ADCK1: variants seen among roughly 807,000 people sequenced by gnomAD.
The protein encoded by ADCK1 is aarF domain-containing protein kinase 1.
Under a neutral mutation model 52.3 loss-of-function variants are expected in ADCK1, and 41 were observed. That is an observed-to-expected ratio of 0.78 (90% CI 0.61 to 1.02). The LOEUF (loss-of-function observed/expected upper bound fraction) is 1.02, where lower values mean the gene tolerates loss of function less well. Among genes scored for constraint, ADCK1 ranks in the 50% least tolerant of loss-of-function variants. The pLI, the probability that ADCK1 is intolerant of heterozygous loss-of-function variation, is 0.00. For missense variants in ADCK1, 658 were observed against 679.5 expected (o/e 0.97, Z 0.35); for synonymous variants, 250 against 274.6 (o/e 0.91, Z 0.89).
Position 77,897,479 on chromosome 14 carries a change from A to G in ADCK1, c.583-1621A>G, listed in dbSNP as rs573333154. 2.0e-5 allele frequency among the ~76,000 whole-genome samples: 3 copies of G among 152,314 alleles called. No homozygotes were observed. In the East Asian group the frequency reaches 5.8e-4, roughly 29 times the overall value. ...GCAGGGGCTGTGGTATGCTGTGCAC[A>G]GATCACTGGGCTCTTCTTTAATTTC... On this transcript the variant is annotated intron_variant, in intron 5 of 10. Coordinates refer to ENST00000238561, the MANE Select transcript of ADCK1 (RefSeq NM_020421.4).
chr14:77,900,581 C>T (rs758389458), intron 6 of ADCK1: 90 of 447,400 alleles, frequency 2.0e-4, no homozygotes, highest in South Asian at 1.1e-3. Flanking sequence ...AGCGAGACTG[C>T]GTCTCAAGGA....
Position 77,830,150 on chromosome 14 carries a change from T to G in ADCK1, c.219+7632T>G, listed in dbSNP as rs2081811141. ...TATTGCATCATTAAATTTTCTTTTTTTTTTTTAGACAGGGTCTCGCTCTGT... is the reference window on the plus strand; with the variant it reads ...TATTGCATCATTAAATTTTCTTTTTGTTTTTTAGACAGGGTCTCGCTCTGT... On this transcript the variant is annotated intron_variant, in intron 3 of 10. Transcript: ENST00000238561. Among the ~76,000 whole-genome samples, 2 of 151,182 alleles carry G rather than the reference T, an allele frequency of 1.3e-5. 1 individual carries two copies. Among genetic ancestry groups the G allele is most frequent in the Non-Finnish European group, 3.0e-5 (2 of 67,536 alleles).
intron 3 of ADCK1, among the ~76,000 whole-genome samples, chr14:77,836,933 C>A (rs543047940): frequency 6.6e-6 from 1 of 152,002 alleles, no homozygotes; most frequent in East Asian, 1.9e-4. Flanking sequence ...GCCACCTCAT[C>A]CGGCTACAGG....
At chr14:77,840,154 C>G (rs1313899227) in intron 3 of ADCK1, among the ~76,000 whole-genome samples, 1 of 151,844 alleles carries the variant, frequency 6.6e-6, no homozygotes, top group Non-Finnish European at 1.5e-5. Context: ...ACAGTAGCTT[C>G]CTATGACTAT....
chr14:77,833,144 T>A (rs1282527971), intron 3 of ADCK1, among the ~76,000 whole-genome samples: 2 of 152,150 alleles, frequency 1.3e-5, no homozygotes, highest in East Asian at 3.8e-4. Context: ...TGGAATTACT[T>A]CTCCTGATCC....
At chr14:77,800,574 C>T (rs558705575) in intron 1 of ADCK1, among the ~76,000 whole-genome samples, 203 of 152,378 alleles carry the variant, frequency 1.3e-3, no homozygotes, top group Admixed American at 2.0e-3. Flanking sequence ...GCAGCTGGAG[C>T]TGGAGCGTGG....
intron 2 of ADCK1, among the ~76,000 whole-genome samples, chr14:77,819,612 TC>T (rs1259260099): frequency 1.3e-5 from 2 of 152,164 alleles, no homozygotes; most frequent in African/African-American, 4.8e-5. Context: ...CCCTCCAGTC[TC>T]CAAACTGACA....
At chr14:77,882,574 C>G (rs1030669773) in intron 4 of ADCK1, among the ~76,000 whole-genome samples, 2 of 152,236 alleles carry the variant, frequency 1.3e-5, no homozygotes, top group African/African-American at 4.8e-5. Flanking sequence ...GTCCCCCATC[C>G]TGTGATTGAG....
intron 4 of ADCK1, among the ~76,000 whole-genome samples, chr14:77,882,857 T>C (rs1459120398): frequency 2.6e-5 from 4 of 152,192 alleles, no homozygotes; most frequent in African/African-American, 9.7e-5. Context: ...TGATGTCACT[T>C]AGTCTCCTGA....
chr14:77,807,535 G>C (rs2081256213), intron 1 of ADCK1, among the ~76,000 whole-genome samples: 1 of 141,046 alleles, frequency 7.1e-6, no homozygotes, highest in African/African-American at 2.7e-5. Context: ...TTGAGATGGA[G>C]TTTCGCCCTT....
chr14:77,845,220 A>G (rs1398950050), intron 3 of ADCK1, among the ~76,000 whole-genome samples: 1 of 152,238 alleles, frequency 6.6e-6, no homozygotes, highest in African/African-American at 2.4e-5. Flanking sequence ...GCCGGGATTC[A>G]GATCCCAGCT....
At chr14:77,870,437 T>C (rs11159302) in intron 4 of ADCK1, among the ~76,000 whole-genome samples, 57,744 of 152,128 alleles carry the variant, frequency 0.38, 11,755 homozygotes, top group Admixed American at 0.51. Context: ...AATCAGCTAA[T>C]AGCCTGTGTG....
chr14:77,934,490 C>T lies in ADCK1; in HGVS notation c.*1099C>T, dbSNP rs951267925. On this transcript the variant is annotated 3_prime_UTR_variant, in exon 11 of 11. Transcript: ENST00000238561. ...TTCTACTTGTCTCCCCCCAGTCCTT[C>T]TGGAGACCTTAGTCCTCTTGCTGAA... 2 of 152,188 alleles carry T rather than the reference C, an allele frequency of 1.3e-5. No homozygotes were observed. Among genetic ancestry groups the T allele is most frequent in the Admixed American group, 6.5e-5 (1 of 15,274 alleles). The allele number at this position is 152,188 out of a possible 1,614,324, so 9.4% of individuals were successfully genotyped here. A position where few individuals can be genotyped will look rare whatever the true frequency, so the allele number is the denominator to read the frequency against.
intron 4 of ADCK1, among the ~76,000 whole-genome samples, chr14:77,870,082 G>T (rs565956521): frequency 2.0e-5 from 3 of 152,366 alleles, no homozygotes; most frequent in South Asian, 4.1e-4. Flanking sequence ...ATAACATATG[G>T]TTGTGTTTAT....
intron 3 of ADCK1, among the ~76,000 whole-genome samples, chr14:77,830,840 T>C (rs12878904): frequency 0.81 from 123,484 of 152,076 alleles, 50,394 homozygotes; most frequent in Middle Eastern, 0.9. Flanking sequence ...CAGGTAGGTC[T>C]CTGGGCTTCT....
chr14:77,831,460 T>G (rs1055230471), intron 3 of ADCK1, among the ~76,000 whole-genome samples: 2 of 152,244 alleles, frequency 1.3e-5, no homozygotes, highest in Non-Finnish European at 2.9e-5. Context: ...TATCAAATTC[T>G]GCTAATCTTT....
rs2084338903 is a variant in ADCK1 at position 77,931,612 on chromosome 14, C to T, written c.1301C>T (p.Thr434Ile). 5 of 1,613,600 alleles carry T rather than the reference C, an allele frequency of 3.1e-6. No individual in the cohort carries two copies. Among genetic ancestry groups the T allele is most frequent in the Non-Finnish European group, 4.2e-6 (5 of 1,180,036 alleles). The stretch of plus-strand genomic sequence containing the variant: ...CGCCAGATGCTGCTCATCTTGAAGA[C>T]CAACGACCTGCTGCGTGGCATTGAG... ...VPRQMLLILK[T>I]NDLLRGIEAA... The change falls in exon 10 of 11, where the codon ACC (threonine) becomes ATC (isoleucine). Residue 434 changes from threonine to isoleucine, a missense_variant. Physicochemically the swap from Thr to Ile is moderately conservative, Grantham distance 89. Transcript: ENST00000238561.
At chr14:77,870,960 G>A (rs180795570) in intron 4 of ADCK1, among the ~76,000 whole-genome samples, 9 of 152,324 alleles carry the variant, frequency 5.9e-5, no homozygotes, top group South Asian at 4.1e-4. Context: ...CTGTCTCCTC[G>A]TGACCCAGAG....
chr14:77,896,599 C>T (rs1247100222), intron 5 of ADCK1, among the ~76,000 whole-genome samples: 1 of 152,222 alleles, frequency 6.6e-6, no homozygotes, highest in Non-Finnish European at 1.5e-5. Context: ...CGTTCACTTG[C>T]TCTGCATCTG....
Sources: gnomAD v4.1 joint callset for allele counts (sites outside exome capture counted in the v4.1 genomes callset) on GRCh38, gnomAD v4.1.1 for gene constraint, MANE v1.5 for transcripts, NCBI Gene and HGNC (gene_info 2026-07-23, HGNC 2026-07-21) for gene names.